Variants in PRKN observed in about 807,000 individuals in gnomAD.
PRKN encodes E3 ubiquitin-protein ligase parkin.
PRKN carries 56 observed loss-of-function variants against 59.5 expected under a neutral mutation model. The observed-to-expected ratio is 0.94, with a 90% CI of 0.76 to 1.18. The LOEUF is 1.18. Among genes scored for constraint, PRKN ranks in the 50% most tolerant of loss-of-function variants. The pLI, the probability that PRKN is intolerant of heterozygous loss-of-function variation, is 0.00. For synonymous variants in PRKN, 250 were observed against 222.1 expected (o/e 1.13, Z -1.12); for missense variants, 657 against 596.4 (o/e 1.10, Z -1.06).
chr6:162,368,101 G>A (rs911117053), intron 2 of PRKN, among the ~76,000 whole-genome samples: 6 of 152,148 alleles, frequency 3.9e-5, no homozygotes, highest in Admixed American at 6.5e-5. Flanking sequence ...GGAACTCGCT[G>A]GCAAGGGCAT....
intron 1 of PRKN, among the ~76,000 whole-genome samples, chr6:162,472,440 T>C (rs1291053544): frequency 7.1e-6 from 1 of 140,864 alleles, no homozygotes; most frequent in African/African-American, 2.7e-5. Context: ...AGTGAGAACA[T>C]GCAGTCCAAA....
intron 1 of PRKN, among the ~76,000 whole-genome samples, chr6:162,674,436 G>C (rs1779457805): frequency 6.6e-6 from 1 of 152,154 alleles, no homozygotes; most frequent in Admixed American, 6.5e-5. Context: ...ACATGAAAGA[G>C]GAGTCAGAGT....
intron 7 of PRKN, among the ~76,000 whole-genome samples, chr6:161,784,462 A>G (rs752625918): frequency 2.6e-5 from 4 of 152,232 alleles, no homozygotes. Flanking sequence ...ACATAACTCA[A>G]TTTAAAAATG....
At chr6:161,382,953 A>G (rs1163811518) in intron 10 of PRKN, among the ~76,000 whole-genome samples, 1 of 152,242 alleles carries the variant, frequency 6.6e-6, no homozygotes, top group Non-Finnish European at 1.5e-5. Context: ...ACGAGTCACA[A>G]ATGGCTCAAA....
chr6:162,096,901 C>T lies in PRKN; in HGVS notation c.535-42727G>A, dbSNP rs906571976. Among the ~76,000 whole-genome samples, 4 of 116,474 alleles carry T rather than the reference C, an allele frequency of 3.4e-5. No individual in the cohort carries two copies. The Admixed American group carries it at 4.5e-4, about 13-fold the overall frequency. 76.4% of individuals were successfully genotyped at this position (116,474 alleles called of 152,430 possible). Reference sequence around the variant, plus strand: ...TTTTGAGATGGAGTCTCGTTTTGCTCTGTCACCCAGGCTGGAGTGCACTGG... The same window carrying T: ...TTTTGAGATGGAGTCTCGTTTTGCTTTGTCACCCAGGCTGGAGTGCACTGG... On this transcript the variant is annotated intron_variant, in intron 4 of 11. Coordinates refer to ENST00000366898, the MANE Select transcript of PRKN (RefSeq NM_004562.3).
At chr6:162,408,326 C>T (rs1788179248) in intron 2 of PRKN, among the ~76,000 whole-genome samples, 1 of 151,896 alleles carries the variant, frequency 6.6e-6, no homozygotes, top group Admixed American at 6.6e-5. Flanking sequence ...TAAGTGACTG[C>T]TTAGGTGAAA....
intron 3 of PRKN, 143 bp from the exon 4 acceptor site, chr6:162,201,395 T>C (rs1583190290): frequency 2.7e-6 from 2 of 753,466 alleles, no homozygotes; most frequent in Non-Finnish European, 4.6e-6. Flanking sequence ...AATATTCCAA[T>C]GGGAATACAA....
At chr6:162,478,619 C>T (rs188164306) in intron 1 of PRKN, among the ~76,000 whole-genome samples, 230 of 152,220 alleles carry the variant, frequency 1.5e-3, no homozygotes, top group Non-Finnish European at 1.1e-3. Context: ...CACTGAACAA[C>T]GAGGACACAT....
chr6:162,385,898 CA>C (rs1298729461), intron 2 of PRKN, among the ~76,000 whole-genome samples: 2 of 151,720 alleles, frequency 1.3e-5, no homozygotes, highest in African/African-American at 4.8e-5. Context: ...CAAAGTTTTT[CA>C]AAAAGTAACT....
intron 6 of PRKN, among the ~76,000 whole-genome samples, chr6:161,968,318 C>T (rs1789998): frequency 0.34 from 51,486 of 151,196 alleles, 9,891 homozygotes; most frequent in South Asian, 0.51. Flanking sequence ...GGATTACAGG[C>T]GTGACTCACC....
At position 161,361,636 on chromosome 6, in the gene PRKN, G is replaced by A. The variant is rs966136104; in HGVS notation, c.1168-1431C>T. Among the ~76,000 whole-genome samples, 10 of 152,216 alleles carry A rather than the reference G, an allele frequency of 6.6e-5. No individual in the cohort carries two copies. The highest frequency in any genetic ancestry group is 2.4e-4 in the African/African-American group (10 of 41,452). On this transcript the variant is annotated intron_variant, in intron 10 of 11. Transcript: ENST00000366898. The surrounding 1 kb of genome is among the most constrained non-coding windows in gnomAD (Gnocchi z 5.2). The stretch of plus-strand genomic sequence containing the variant: ...GGTGGGGGCACCACAGACAAGCTTT[G>A]CCTAGGGCTGGTCACTGGGTGAAGC...
At chr6:161,646,674 T>C (rs566600512) in intron 7 of PRKN, among the ~76,000 whole-genome samples, 37 of 152,302 alleles carry the variant, frequency 2.4e-4, no homozygotes, top group Non-Finnish European at 5.0e-4. Flanking sequence ...ACAGGGCTCA[T>C]TGTATGGATG....
chr6:162,378,094 G>A (rs910567667), intron 2 of PRKN, among the ~76,000 whole-genome samples: 9 of 152,122 alleles, frequency 5.9e-5, no homozygotes, highest in African/African-American at 2.2e-4. Context: ...ACGAAATCAA[G>A]CTAGGTTTAC....
At chr6:162,118,792 C>G (rs1780782902) in intron 4 of PRKN, among the ~76,000 whole-genome samples, 1 of 152,208 alleles carries the variant, frequency 6.6e-6, no homozygotes, top group South Asian at 2.1e-4. Context: ...ATAAGCAACA[C>G]TTGACAAATT....
chr6:162,508,723 C>A (rs12110846), intron 1 of PRKN, among the ~76,000 whole-genome samples: 8,267 of 152,070 alleles, frequency 0.054, 749 homozygotes, highest in African/African-American at 0.19. Context: ...TACCCAGCAG[C>A]ATCTCAGAAG....
intron 4 of PRKN, among the ~76,000 whole-genome samples, chr6:162,107,137 T>A (rs1780222430): frequency 6.6e-6 from 1 of 152,122 alleles, no homozygotes; most frequent in African/African-American, 2.4e-5. Context: ...CAGGTACAAC[T>A]CTTGAGTGAG....
intron 7 of PRKN, among the ~76,000 whole-genome samples, chr6:161,677,408 G>T (rs999062381): frequency 6.6e-6 from 1 of 152,146 alleles, no homozygotes; most frequent in African/African-American, 2.4e-5. Flanking sequence ...ATAGAAATGC[G>T]GACTCTGATG....
At chr6:161,734,767 G>C (rs1787895590) in intron 7 of PRKN, among the ~76,000 whole-genome samples, 1 of 152,108 alleles carries the variant, frequency 6.6e-6, no homozygotes, top group South Asian at 2.1e-4. Flanking sequence ...AGTGGGACCT[G>C]AGTGAATAAG....
At chr6:161,374,557 T>C (rs1785581335) in intron 10 of PRKN, among the ~76,000 whole-genome samples, 1 of 68,784 alleles carries the variant, frequency 1.5e-5, no homozygotes, top group Admixed American at 1.8e-4. Flanking sequence ...GTGTGTGATG[T>C]GTGTGTGGTG....
Sources: allele counts gnomAD v4.1 joint callset (sites outside exome capture counted in the v4.1 genomes callset), GRCh38; gene constraint gnomAD v4.1.1; non-coding constraint Gnocchi (gnomAD v3.1); transcripts MANE v1.5; gene names NCBI Gene and HGNC (gene_info 2026-07-23, HGNC 2026-07-21).